PCDH15: variants seen among roughly 807,000 people sequenced by gnomAD.
PCDH15 encodes the protein protocadherin-15.
In PCDH15, 129 loss-of-function variants were observed where a neutral mutation model predicts 178.5. The observed-to-expected ratio is 0.72, with a 90% CI of 0.63 to 0.84. PCDH15 has a LOEUF of 0.84. Among genes scored for constraint, PCDH15 ranks in the 40% least tolerant of loss-of-function variants. PCDH15 has a pLI of 0.00. For synonymous variants in PCDH15, 800 were observed against 732.0 expected, an observed-to-expected ratio of 1.09 and a Z score of -1.50; for missense variants, 2,230 against 2,099.9, an observed-to-expected ratio of 1.06 and a Z score of -1.21.
At chr10:54,154,242 T>A (rs754437578) in intron 13 of PCDH15, among the ~76,000 whole-genome samples, 67 of 152,136 alleles carry the variant, frequency 4.4e-4, no homozygotes, top group Admixed American at 2.8e-3. Context: ...GCATTTTACA[T>A]ACATCAATAG....
intron 4 of PCDH15, among the ~76,000 whole-genome samples, chr10:54,377,967 G>A (rs1345096768): frequency 6.6e-6 from 1 of 151,828 alleles, no homozygotes; most frequent in Non-Finnish European, 1.5e-5. Context: ...TGTCCTGGCT[G>A]GAGTGCATTG....
intron 15 of PCDH15, among the ~76,000 whole-genome samples, chr10:54,098,614 G>T (rs2094747050): frequency 6.6e-6 from 1 of 152,072 alleles, no homozygotes; most frequent in Non-Finnish European, 1.5e-5. Flanking sequence ...TGAACTTAAA[G>T]AAAAATGTTG....
upstream of PCDH15, among the ~76,000 whole-genome samples, chr10:55,320,039 C>T (rs1843847555): frequency 6.6e-6 from 1 of 152,146 alleles, no homozygotes; most frequent in Non-Finnish European, 1.5e-5. Context: ...GCATTTAGTG[C>T]AGCCTCCCCA....
At chr10:55,286,676 G>T (rs2132263437) in intron 1 of PCDH15, among the ~76,000 whole-genome samples, 1 of 152,042 alleles carries the variant, frequency 6.6e-6, no homozygotes. Context: ...AGGCCAAAAT[G>T]AGCTTCCCAT....
intron 6 of PCDH15, among the ~76,000 whole-genome samples, chr10:54,340,642 A>C: frequency 6.6e-6 from 1 of 152,144 alleles, no homozygotes; most frequent in African/African-American, 2.4e-5. Context: ...GCAGGAATGA[A>C]AGCAAGCAAA....
chr10:54,874,364 G>C (rs1355761696), intron 3 of PCDH15, among the ~76,000 whole-genome samples: 1 of 148,166 alleles, frequency 6.7e-6, no homozygotes, highest in South Asian at 2.2e-4. Context: ...TCTTAATCCA[G>C]TCTATCATTG....
intron 2 of PCDH15, among the ~76,000 whole-genome samples, chr10:54,959,957 A>T (rs1241473771): frequency 6.6e-6 from 1 of 152,150 alleles, no homozygotes; most frequent in Non-Finnish European, 1.5e-5. Context: ...GACAATGCAC[A>T]CAGAAAGGCT....
chr10:55,076,146 C>G (rs1841880723), intron 2 of PCDH15, among the ~76,000 whole-genome samples: 1 of 152,116 alleles, frequency 6.6e-6, no homozygotes, highest in Non-Finnish European at 1.5e-5. Context: ...GTTTTGTAAT[C>G]TAACATATGG....
At chr10:55,232,477 C>G (rs1841254685) in intron 1 of PCDH15, among the ~76,000 whole-genome samples, 1 of 152,038 alleles carries the variant, frequency 6.6e-6, no homozygotes, top group South Asian at 2.1e-4. Flanking sequence ...TAGGCAGAAT[C>G]TAAGAGGATC....
chr10:54,519,813 T>C (rs2082652424), intron 3 of PCDH15, among the ~76,000 whole-genome samples: 1 of 152,092 alleles, frequency 6.6e-6, no homozygotes, highest in Non-Finnish European at 1.5e-5. Context: ...CTTCAAACTA[T>C]GCTGCAAGGC....
intron 2 of PCDH15, among the ~76,000 whole-genome samples, chr10:55,525,247 T>C (rs1308237470): frequency 1.3e-5 from 2 of 151,890 alleles, no homozygotes; most frequent in Admixed American, 6.6e-5. Flanking sequence ...ACAATTCATA[T>C]TGAATATTGT....
intron 2 of PCDH15, among the ~76,000 whole-genome samples, chr10:55,505,367 T>C (rs766737344): frequency 6.6e-5 from 10 of 151,352 alleles, no homozygotes; most frequent in Non-Finnish European, 1.0e-4. Flanking sequence ...AAAATAAAGA[T>C]ATTGGGAGAA....
At chr10:54,288,429 C>T (rs761145004) in intron 8 of PCDH15, among the ~76,000 whole-genome samples, 22 of 152,254 alleles carry the variant, frequency 1.4e-4, no homozygotes, top group African/African-American at 3.1e-4. Context: ...GGAACAGCTC[C>T]GGTCTGCAGC....
At chr10:54,077,127 T>C (rs920048206) in intron 17 of PCDH15, among the ~76,000 whole-genome samples, 2 of 152,164 alleles carry the variant, frequency 1.3e-5, no homozygotes, top group African/African-American at 2.4e-5. Flanking sequence ...TAAACTTTTG[T>C]TTGAAATCTA....
chr10:55,513,185 A>G (rs1840928596), intron 2 of PCDH15: 1 of 152,158 alleles, frequency 6.6e-6, no homozygotes, highest in Admixed American at 6.6e-5. Flanking sequence ...AAATATTGTA[A>G]GAAACAGATG....
At chr10:54,526,821 G>A (rs1156230771) in intron 3 of PCDH15, among the ~76,000 whole-genome samples, 2 of 152,120 alleles carry the variant, frequency 1.3e-5, no homozygotes, top group East Asian at 3.9e-4. Flanking sequence ...TGAGTAAAAG[G>A]AGCATCTGTA....
At chr10:54,160,760 T>C (rs1362732666) in intron 13 of PCDH15, among the ~76,000 whole-genome samples, 1 of 152,090 alleles carries the variant, frequency 6.6e-6, no homozygotes, top group Non-Finnish European at 1.5e-5. Flanking sequence ...GAATAGATAT[T>C]TCACCAAAGA....
chr10:55,505,396 C>T (rs929189452), intron 2 of PCDH15, among the ~76,000 whole-genome samples: 1 of 151,106 alleles, frequency 6.6e-6, no homozygotes, highest in African/African-American at 2.4e-5. Flanking sequence ...GGTATGATAA[C>T]CTGGATTCTT....
chr10:53,849,472 G>T (rs1412714350), intron 28 of PCDH15, among the ~76,000 whole-genome samples: 2 of 152,032 alleles, frequency 1.3e-5, no homozygotes, highest in Non-Finnish European at 2.9e-5. Context: ...TCAGCATACA[G>T]GACCCTTTAC....
Sources: allele counts gnomAD v4.1 joint callset (sites outside exome capture counted in the v4.1 genomes callset), GRCh38; gene constraint gnomAD v4.1.1; transcripts MANE v1.5; gene names NCBI Gene and HGNC (gene_info 2026-07-23, HGNC 2026-07-21).